The following SGCZ variants were observed in gnomAD, a reference collection of about 807,000 sequenced individuals.
SGCZ encodes the protein sarcoglycan zeta.
In SGCZ, 40 loss-of-function variants were observed where a neutral mutation model predicts 41.3. That is an observed-to-expected ratio of 0.97 (90% CI 0.75 to 1.26). The LOEUF (loss-of-function observed/expected upper bound fraction) is 1.26. SGCZ is among the 50% of genes most tolerant of loss of function. The pLI is 0.00. For missense variants in SGCZ, 552 were observed against 369.8 expected (o/e 1.49, Z -4.04); for synonymous variants, 206 against 137.5 (o/e 1.50, Z -3.49).
chr8:14,883,458 T>G (rs1476128167), intron 1 of SGCZ, among the ~76,000 whole-genome samples: 1 of 151,924 alleles, frequency 6.6e-6, no homozygotes, highest in East Asian at 1.9e-4. Context: ...AAAAATGAGT[T>G]TCAGTGCTTA....
In SGCZ at chr8:14,838,860, A is replaced by G. The variant is rs762699616; in HGVS notation, c.40-283934T>C. Among the ~76,000 whole-genome samples, 461 of 152,256 alleles carry G rather than the reference A, an allele frequency of 3.0e-3. 3 individuals are homozygous for G. Among genetic ancestry groups the G allele is most frequent in the Non-Finnish European group, 5.0e-3 (338 of 68,022 alleles). ...GGACTGATGCCAGAGCATTACATCA[A>G]TTAAGAGAGTCAGCATAGCGGGAAC... On this transcript the variant is annotated intron_variant, in intron 1 of 7. Transcript: ENST00000382080.
At position 14,975,765 on chromosome 8, in the gene SGCZ, C is replaced by G. The variant is rs964578535; in HGVS notation, c.39+261820G>C. On this transcript the variant is annotated intron_variant, in intron 1 of 7. Coordinates refer to ENST00000382080, the MANE Select transcript of SGCZ (RefSeq NM_139167.4). Reference sequence around the variant, plus strand: ...TTTTACCTTATTGACAATATAATATCTGTAACTCCACTTTTTTCCACTTTT... The same window carrying G: ...TTTTACCTTATTGACAATATAATATGTGTAACTCCACTTTTTTCCACTTTT... 9.4e-4 allele frequency among the ~76,000 whole-genome samples: 137 copies of G among 145,366 alleles called. 1 individual carries two copies. Among genetic ancestry groups the G allele is most frequent in the Middle Eastern group, 3.5e-3 (1 of 284 alleles).
At chr8:14,378,026 G>C (rs1804201546) in intron 2 of SGCZ, among the ~76,000 whole-genome samples, 1 of 149,156 alleles carries the variant, frequency 6.7e-6, no homozygotes, top group South Asian at 2.1e-4. Flanking sequence ...ATGATTTATA[G>C]TCCTTTGGGC....
At chr8:14,237,823 G>C (rs1180511530) in intron 3 of SGCZ, 144 bp from the exon 4 acceptor site, 3 of 625,556 alleles carry the variant, frequency 4.8e-6, no homozygotes, top group Non-Finnish European at 7.9e-6. Context: ...CCCAATCATT[G>C]GTGGACAATG....
intron 1 of SGCZ, among the ~76,000 whole-genome samples, chr8:15,123,022 C>T (rs1346771396): frequency 6.6e-6 from 1 of 152,158 alleles, no homozygotes; most frequent in African/African-American, 2.4e-5. Context: ...ACCAACAAAA[C>T]TTACTTGCAG....
chr8:14,608,347 T>C (rs564967685), intron 1 of SGCZ, among the ~76,000 whole-genome samples: 1 of 152,114 alleles, frequency 6.6e-6, no homozygotes, highest in African/African-American at 2.4e-5. Flanking sequence ...AAAAGAGGTT[T>C]CTTTGGCTCA....
intron 1 of SGCZ, among the ~76,000 whole-genome samples, chr8:15,111,452 C>T (rs565614881): frequency 6.6e-6 from 1 of 152,150 alleles, no homozygotes; most frequent in African/African-American, 2.4e-5. Flanking sequence ...TTCACTTGAG[C>T]CTCAAGCCAC....
At chr8:14,119,245 T>C (rs1393799111) in intron 5 of SGCZ, among the ~76,000 whole-genome samples, 1 of 152,184 alleles carries the variant, frequency 6.6e-6, no homozygotes, top group Admixed American at 6.5e-5. Context: ...CCTTGAGCAG[T>C]GGTGTGTAAT....
chr8:14,088,072 CT>C lies in SGCZ; in HGVS notation c.*2370del, dbSNP rs145102921. Among the ~76,000 whole-genome samples the C allele has an allele frequency of 4.6e-5, 7 of 150,808 alleles. No homozygotes were observed. The East Asian group carries it at 5.8e-4, about 13-fold the overall frequency. ...TCGGTTTTTACATCTTTTTTTCTCA[CT>C]TTTTTTTTCATCTTTTCTCCTCTTA... On this transcript the variant is annotated 3_prime_UTR_variant, in exon 8 of 8. Coordinates refer to ENST00000382080, the MANE Select transcript of SGCZ (RefSeq NM_139167.4).
chr8:14,439,542 T>G (rs1800188122), intron 2 of SGCZ, among the ~76,000 whole-genome samples: 3 of 151,650 alleles, frequency 2.0e-5, no homozygotes, highest in Admixed American at 2.0e-4. Context: ...TCCCAAAATA[T>G]TAGCAAAGGG....
chr8:15,238,428 C>A lies in SGCZ; in HGVS notation c.-805G>T, dbSNP rs1802216472. On this transcript the variant is annotated 5_prime_UTR_variant, in exon 1 of 8. Transcript: ENST00000382080. ...TTCGCTTCTCTCTTCCCACAGCCAA[C>A]ACTAAGGGGATTTCTCTCATCTGTC... The A allele has an allele frequency of 6.6e-6, 1 of 152,250 alleles. No homozygotes were observed. Among genetic ancestry groups the A allele is most frequent in the South Asian group, 2.1e-4 (1 of 4,828 alleles). The allele number at this position is 152,250 out of a possible 1,614,324, so 9.4% of individuals were successfully genotyped here.
intron 1 of SGCZ, among the ~76,000 whole-genome samples, chr8:15,099,418 C>T (rs555360790): frequency 5.0e-4 from 76 of 152,136 alleles, no homozygotes; most frequent in Non-Finnish European, 8.4e-4. Context: ...TTTACCAAAA[C>T]TCACACATGG....
chr8:14,293,461 T>C (rs576794234), intron 3 of SGCZ, among the ~76,000 whole-genome samples: 1 of 152,120 alleles, frequency 6.6e-6, no homozygotes, highest in Non-Finnish European at 1.5e-5. Context: ...ACCCAGTGAT[T>C]TCCCATTAAC....
At chr8:14,436,202 G>C (rs1437173014) in intron 2 of SGCZ, among the ~76,000 whole-genome samples, 1 of 152,122 alleles carries the variant, frequency 6.6e-6, no homozygotes, top group East Asian at 1.9e-4. Context: ...AAATCCACTG[G>C]AAGCCAATGA....
chr8:14,167,886 T>C (rs1804255955), intron 4 of SGCZ, among the ~76,000 whole-genome samples: 1 of 152,222 alleles, frequency 6.6e-6, no homozygotes, highest in Non-Finnish European at 1.5e-5. Flanking sequence ...CTTTGTATGT[T>C]CTACAGTACA....
intron 2 of SGCZ, among the ~76,000 whole-genome samples, chr8:14,500,806 C>G (rs1283779244): frequency 6.6e-6 from 1 of 151,922 alleles, no homozygotes; most frequent in African/African-American, 2.4e-5. Context: ...GTATCTATAT[C>G]CAACAAGTTA....
At chr8:15,067,230 TCCACCAA>T (rs1196378599) in intron 1 of SGCZ, among the ~76,000 whole-genome samples, 1 of 152,068 alleles carries the variant, frequency 6.6e-6, no homozygotes, top group Admixed American at 6.6e-5. Context: ...GCCTACACAC[TCCACCAA>T]CCCTGCACAC....
At chr8:15,092,851 C>G (rs1440312977) in intron 1 of SGCZ, among the ~76,000 whole-genome samples, 1 of 152,172 alleles carries the variant, frequency 6.6e-6, no homozygotes, top group African/African-American at 2.4e-5. Context: ...AAGCTTTCAA[C>G]TATTTAAAGC....
At chr8:14,643,959 A>AC (rs1257454461) in intron 1 of SGCZ, among the ~76,000 whole-genome samples, 1 of 146,360 alleles carries the variant, frequency 6.8e-6, no homozygotes, top group Non-Finnish European at 1.5e-5. Context: ...ATGAAGAAAG[A>AC]CCAATACTTG....
Sources: gnomAD v4.1 joint callset for allele counts (sites outside exome capture counted in the v4.1 genomes callset) on GRCh38, gnomAD v4.1.1 for gene constraint, MANE v1.5 for transcripts, NCBI Gene and HGNC (gene_info 2026-07-23, HGNC 2026-07-21) for gene names.